Variants in GRK3 observed in about 807,000 individuals in gnomAD.
GRK3 encodes adrenergic, beta, receptor kinase 2.
GRK3 carries 54 observed loss-of-function variants against 95.7 expected under a neutral mutation model. The observed-to-expected ratio is 0.56, with a 90% CI of 0.45 to 0.71. The LOEUF (loss-of-function observed/expected upper bound fraction) is 0.71, where lower values mean the gene tolerates loss of function less well. Ranked by LOEUF, GRK3 falls within the 30% of genes least tolerant of loss-of-function variation. The pLI, the probability that GRK3 is intolerant of heterozygous loss-of-function variation, is 0.00. For missense variants in GRK3, 649 were observed against 851.2 expected (o/e 0.76, Z 2.96); for synonymous variants, 281 against 290.8 (o/e 0.97, Z 0.34).
chr22:25,692,643 T>C (rs1247568248), intron 12 of GRK3, among the ~76,000 whole-genome samples: 1 of 152,188 alleles, frequency 6.6e-6, no homozygotes, highest in East Asian at 1.9e-4. Flanking sequence ...GTTCCAGGCT[T>C]GCATATGTCA....
intron 2 of GRK3, among the ~76,000 whole-genome samples, chr22:25,622,707 A>G (rs1358203731): frequency 6.6e-6 from 1 of 152,166 alleles, no homozygotes; most frequent in Non-Finnish European, 1.5e-5. Context: ...GGGAGCATGG[A>G]AACAGGAAGA....
intron 14 of GRK3, 129 bp downstream of exon 14, chr22:25,703,705 T>G: frequency 1.5e-6 from 1 of 684,086 alleles, no homozygotes; most frequent in East Asian, 2.9e-5. Flanking sequence ...ATAATAAAAA[T>G]TTGCTTTCTT....
At position 25,690,170 on chromosome 22, in the gene GRK3, T is replaced by C. The variant is rs1258519355; in HGVS notation, c.958-19T>C. ...GCATTTGGGGCACTCTTATTAAAGATTATTCTCTTTCTGTTTAGCCAGCAA... is the reference window on the plus strand; with the variant it reads ...GCATTTGGGGCACTCTTATTAAAGACTATTCTCTTTCTGTTTAGCCAGCAA... On this transcript the variant is annotated intron_variant, in intron 11 of 20. Coordinates refer to ENST00000324198, the MANE Select transcript of GRK3 (RefSeq NM_005160.4). 6.3e-7 allele frequency: 1 copy of C among 1,595,540 alleles called. No individual in the cohort carries two copies.
intron 1 of GRK3, chr22:25,581,354 G>A (rs1198843936): frequency 6.6e-6 from 1 of 152,198 alleles, no homozygotes; most frequent in African/African-American, 2.4e-5. Flanking sequence ...TTTTCCCAAT[G>A]TCATGTGTAA....
At chr22:25,644,225 C>A in intron 2 of GRK3, among the ~76,000 whole-genome samples, 1 of 151,192 alleles carries the variant, frequency 6.6e-6, no homozygotes, top group East Asian at 1.9e-4. Flanking sequence ...TGATTCTCAC[C>A]AACACATACT....
intron 1 of GRK3, among the ~76,000 whole-genome samples, chr22:25,573,634 A>AAC (rs1169610273): frequency 6.6e-6 from 1 of 152,160 alleles, no homozygotes; most frequent in African/African-American, 2.4e-5. Flanking sequence ...AAAAACATAA[A>AAC]ATGACTGTAA....
At chr22:25,594,554 C>T (rs1451287793) in intron 1 of GRK3, among the ~76,000 whole-genome samples, 3 of 152,130 alleles carry the variant, frequency 2.0e-5, no homozygotes, top group African/African-American at 7.2e-5. Context: ...TCAACATATG[C>T]AAACCAATAA....
intron 13 of GRK3, among the ~76,000 whole-genome samples, chr22:25,702,185 C>G (rs565547265): frequency 6.6e-6 from 1 of 151,758 alleles, no homozygotes; most frequent in African/African-American, 2.4e-5. Flanking sequence ...AGAGTGCCCT[C>G]TCTTGTACAA....
chr22:25,640,667 C>T (rs2084736373), intron 2 of GRK3, among the ~76,000 whole-genome samples: 1 of 152,116 alleles, frequency 6.6e-6, no homozygotes, highest in Non-Finnish European at 1.5e-5. Context: ...TCATAGAAAC[C>T]ACTTATATTT....
intron 16 of GRK3, 51 bp from the exon 17 acceptor site, chr22:25,711,017 A>G (rs780048184): frequency 2.6e-6 from 3 of 1,141,692 alleles, no homozygotes; most frequent in Non-Finnish European, 3.9e-6. Context: ...AGGTTGGGAC[A>G]GGGCCATACG....
chr22:25,673,161 A>G (rs2084998376), intron 7 of GRK3, among the ~76,000 whole-genome samples: 1 of 151,030 alleles, frequency 6.6e-6, no homozygotes, highest in Non-Finnish European at 1.5e-5. Context: ...TCCCGGGTTC[A>G]CACCATTCTC....
chr22:25,720,913 G>T (rs921036921), intron 19 of GRK3, among the ~76,000 whole-genome samples: 1 of 152,090 alleles, frequency 6.6e-6, no homozygotes, highest in Admixed American at 6.5e-5. Flanking sequence ...ACACACCTTT[G>T]GCTCACATAA....
At chr22:25,655,409 C>T (rs1458441294) in intron 3 of GRK3, among the ~76,000 whole-genome samples, 1 of 152,188 alleles carries the variant, frequency 6.6e-6, no homozygotes, top group Non-Finnish European at 1.5e-5. Context: ...TGCTGCTTCG[C>T]TTGTTGAAAG....
At chr22:25,573,517 C>T (rs551309432) in intron 1 of GRK3, among the ~76,000 whole-genome samples, 35 of 152,264 alleles carry the variant, frequency 2.3e-4, no homozygotes, top group Non-Finnish European at 4.9e-4. Context: ...GTACTAGGCA[C>T]TGTATAATTC....
At chr22:25,606,235 TTTC>T (rs1363826482) in intron 2 of GRK3, among the ~76,000 whole-genome samples, 1 of 152,228 alleles carries the variant, frequency 6.6e-6, no homozygotes, top group African/African-American at 2.4e-5. Flanking sequence ...AAATAAATAA[TTTC>T]TTCTGTTCCC....
At chr22:25,612,928 T>G (rs1161179776) in intron 2 of GRK3, among the ~76,000 whole-genome samples, 2 of 151,696 alleles carry the variant, frequency 1.3e-5, no homozygotes, top group African/African-American at 4.8e-5. Context: ...ATTTTAAAAA[T>G]TTGGTAATTA....
intron 1 of GRK3, among the ~76,000 whole-genome samples, chr22:25,574,561 G>A (rs1931822070): frequency 6.6e-6 from 1 of 152,178 alleles, no homozygotes; most frequent in South Asian, 2.1e-4. Context: ...GTTAAATATT[G>A]CAGACTTTCA....
At chr22:25,648,348 C>T (rs2084802405) in intron 3 of GRK3, 2 of 1,285,216 alleles carry the variant, frequency 1.6e-6, no homozygotes, top group East Asian at 4.6e-5. Flanking sequence ...TGGTTTATGC[C>T]ACAAGTTAAC....
chr22:25,703,201 C>G (rs113021589), intron 13 of GRK3, among the ~76,000 whole-genome samples: 167 of 152,254 alleles, frequency 1.1e-3, no homozygotes, highest in African/African-American at 3.9e-3. Context: ...CTTTTATTCT[C>G]ATGATTACCT....
Sources: gnomAD v4.1 joint callset for allele counts (sites outside exome capture counted in the v4.1 genomes callset) on GRCh38, gnomAD v4.1.1 for gene constraint, MANE v1.5 for transcripts, NCBI Gene and HGNC (gene_info 2026-07-23, HGNC 2026-07-21) for gene names.